The following KPNA6 variants were observed in gnomAD, a reference collection of about 807,000 sequenced individuals.
The protein encoded by KPNA6 is importin subunit alpha-7.
Under a neutral mutation model 72.0 loss-of-function variants are expected in KPNA6, and 9 were observed. That is an observed-to-expected ratio of 0.13 (90% CI 0.08 to 0.22). The LOEUF (loss-of-function observed/expected upper bound fraction) is 0.22, where lower values mean the gene tolerates loss of function less well. Among genes scored for constraint, KPNA6 ranks in the 10% least tolerant of loss-of-function variants. KPNA6 has a pLI of 1.00. For missense variants in KPNA6, 374 were observed against 655.7 expected, an observed-to-expected ratio of 0.57 and a Z score of 4.69; for synonymous variants, 219 against 242.1, an observed-to-expected ratio of 0.90 and a Z score of 0.89.
chr1:32,128,780 C>A (rs1006394265), intron 1 of KPNA6, among the ~76,000 whole-genome samples: 1 of 152,072 alleles, frequency 6.6e-6, no homozygotes, highest in Non-Finnish European at 1.5e-5. Context: ...TCGTTTGCAA[C>A]ATTTCCTGGT....
intron 1 of KPNA6, among the ~76,000 whole-genome samples, chr1:32,151,479 C>T (rs114504726): frequency 0.012 from 1,830 of 152,240 alleles, 19 homozygotes; most frequent in Non-Finnish European, 0.017. Context: ...TTAGGGAACC[C>T]CAAACAGATT....
chr1:32,173,050 C>A lies in KPNA6; in HGVS notation c.*2156C>A. Reference sequence around the variant, plus strand: ...CCCATGTTGTACCACCTTGGTGAGTCATATGCCACTCATCAGCTTGGGAAT... The same window carrying A: ...CCCATGTTGTACCACCTTGGTGAGTAATATGCCACTCATCAGCTTGGGAAT... On this transcript the variant is annotated 3_prime_UTR_variant, in exon 14 of 14. Transcript: ENST00000373625. The A allele has an allele frequency of 2.5e-6, 1 of 397,692 alleles. No homozygotes were observed. Among genetic ancestry groups the A allele is most frequent in the South Asian group, 1.3e-4 (1 of 7,802 alleles). The allele number at this position is 397,692 out of a possible 1,614,324, so 24.6% of individuals were successfully genotyped here.
chr1:32,169,587 C>A (rs1424823097), intron 12 of KPNA6, among the ~76,000 whole-genome samples: 1 of 150,404 alleles, frequency 6.6e-6, no homozygotes, highest in Non-Finnish European at 1.5e-5. Flanking sequence ...GCTGGGACTA[C>A]AGGTGCCCGC....
At chr1:32,122,014 C>T (rs1290282627) in intron 1 of KPNA6, among the ~76,000 whole-genome samples, 1 of 151,626 alleles carries the variant, frequency 6.6e-6, no homozygotes, top group Non-Finnish European at 1.5e-5. Context: ...TGGCTCACGC[C>T]TGTAATCCCA....
intron 12 of KPNA6, among the ~76,000 whole-genome samples, chr1:32,167,680 C>T (rs763504426): frequency 2.6e-5 from 4 of 151,920 alleles, no homozygotes; most frequent in Non-Finnish European, 5.9e-5. Context: ...TCAGCCTGAC[C>T]AACATAAGAA....
chr1:32,118,112 C>T (rs184961427), intron 1 of KPNA6, among the ~76,000 whole-genome samples: 9 of 151,990 alleles, frequency 5.9e-5, no homozygotes, highest in South Asian at 4.2e-4. Flanking sequence ...TTAGTAGAGA[C>T]GGGGTTTCAC....
At chr1:32,124,395 GC>G (rs1641494545) in intron 1 of KPNA6, among the ~76,000 whole-genome samples, 1 of 151,516 alleles carries the variant, frequency 6.6e-6, no homozygotes, top group African/African-American at 2.4e-5. Flanking sequence ...ATCTATTTGG[GC>G]TGGACAAGAT....
chr1:32,148,022 A>C (rs1641961632), intron 1 of KPNA6, among the ~76,000 whole-genome samples: 1 of 152,138 alleles, frequency 6.6e-6, no homozygotes, highest in Non-Finnish European at 1.5e-5. Flanking sequence ...GCATCTTTGT[A>C]TGTGATAAGT....
At chr1:32,167,049 C>A in intron 11 of KPNA6, 120 bp from the exon 12 acceptor site, 10 of 1,320,676 alleles carry the variant, frequency 7.6e-6, no homozygotes, top group South Asian at 1.4e-5. Context: ...ATAGGAAGAA[C>A]AAAAGAAAAC....
intron 1 of KPNA6, among the ~76,000 whole-genome samples, chr1:32,152,718 G>A (rs567867553): frequency 9.2e-5 from 14 of 152,078 alleles, no homozygotes; most frequent in African/African-American, 3.1e-4. Flanking sequence ...GGTGGCGGGC[G>A]CCTGTAGTCC....
chr1:32,121,917 G>A (rs1641439211), intron 1 of KPNA6, among the ~76,000 whole-genome samples: 1 of 152,090 alleles, frequency 6.6e-6, no homozygotes, highest in African/African-American at 2.4e-5. Flanking sequence ...AGGTTGCTGT[G>A]AACTGAGATC....
intron 1 of KPNA6, among the ~76,000 whole-genome samples, chr1:32,151,860 A>G (rs961231610): frequency 6.6e-6 from 1 of 152,242 alleles, no homozygotes; most frequent in Non-Finnish European, 1.5e-5. Context: ...GTTAAGGAAT[A>G]ATTTGGCTCA....
intron 6 of KPNA6, among the ~76,000 whole-genome samples, chr1:32,160,169 C>G (rs949857506): frequency 6.6e-6 from 1 of 152,062 alleles, no homozygotes; most frequent in African/African-American, 2.4e-5. Flanking sequence ...CATGGTGGAG[C>G]TTACCTGTAA....
At chr1:32,124,959 C>T (rs1641507364) in intron 1 of KPNA6, among the ~76,000 whole-genome samples, 1 of 152,178 alleles carries the variant, frequency 6.6e-6, no homozygotes, top group African/African-American at 2.4e-5. Context: ...ATTCTCCTGC[C>T]TCAGCCTCCT....
chr1:32,126,110 TC>T (rs1385178367), intron 1 of KPNA6, among the ~76,000 whole-genome samples: 1 of 151,868 alleles, frequency 6.6e-6, no homozygotes, highest in African/African-American at 2.4e-5. Flanking sequence ...GGTTGCAAAC[TC>T]CTGGCCTCAA....
chr1:32,136,554 G>T (rs921226201), intron 1 of KPNA6, among the ~76,000 whole-genome samples: 1 of 152,160 alleles, frequency 6.6e-6, no homozygotes, highest in African/African-American at 2.4e-5. Context: ...CACAATGATG[G>T]AAACCTTAGT....
chr1:32,116,641 C>T (rs1641333829), intron 1 of KPNA6, among the ~76,000 whole-genome samples: 1 of 152,066 alleles, frequency 6.6e-6, no homozygotes, highest in South Asian at 2.1e-4. Flanking sequence ...CTTGGAAACT[C>T]CTTCACAACA....
At chr1:32,139,769 G>A (rs1641806355) in intron 1 of KPNA6, among the ~76,000 whole-genome samples, 1 of 152,194 alleles carries the variant, frequency 6.6e-6, no homozygotes, top group Non-Finnish European at 1.5e-5. Context: ...ATACTGAAAT[G>A]TGGATGAAGT....
Position 32,154,502 on chromosome 1 carries a change from G to T in KPNA6, c.5-86G>T, listed in dbSNP as rs1642099254. The T allele has an allele frequency of 2.4e-5, 35 of 1,455,746 alleles. No homozygotes were observed. The South Asian group carries it at 4.1e-4, about 17-fold the overall frequency. The allele number at this position is 1,455,746 out of a possible 1,614,324, so 90.2% of individuals were successfully genotyped here. On this transcript the variant is annotated intron_variant, in intron 1 of 13. Coordinates refer to ENST00000373625, the MANE Select transcript of KPNA6 (RefSeq NM_012316.5). ...TGTATTCCCCCCAGAGTAGGGGAGG[G>T]TGAAGGGTGGGTAGGGATAGAAGTC...
Sources: allele counts gnomAD v4.1 joint callset (sites outside exome capture counted in the v4.1 genomes callset), GRCh38; gene constraint gnomAD v4.1.1; transcripts MANE v1.5; gene names NCBI Gene and HGNC (gene_info 2026-07-23, HGNC 2026-07-21).